Variants in C4orf51 observed in about 807,000 individuals in gnomAD.
C4orf51 encodes uncharacterized protein C4orf51.
C4orf51 carries 25 observed loss-of-function variants against 25.2 expected under a neutral mutation model. The ratio of observed to expected loss-of-function variants is 0.99; its 90% CI spans 0.72 to 1.39. The LOEUF is 1.39. Among genes scored for constraint, C4orf51 ranks in the 40% most tolerant of loss-of-function variants. The pLI is 0.00. For synonymous variants in C4orf51, 100 were observed against 84.5 expected (o/e 1.18, Z -1.01); for missense variants, 252 against 239.6 (o/e 1.05, Z -0.34).
At chr4:145,788,429 T>C in the C4orf51 span, among the ~76,000 whole-genome samples, 3 of 152,198 alleles carry the variant, frequency 2.0e-5, no homozygotes, top group East Asian at 3.8e-4. Flanking sequence ...TCCAGGCCAA[T>C]TGATGGCTGC....
At chr4:145,740,505 G>A (rs1392928182) in intron 1 of C4orf51, among the ~76,000 whole-genome samples, 4 of 152,052 alleles carry the variant, frequency 2.6e-5, no homozygotes, top group Non-Finnish European at 5.9e-5. Context: ...GAAATTCAGT[G>A]CCCAAGGAAA....
At chr4:145,703,368 T>A (rs1005160053) in intron 2 of C4orf51, among the ~76,000 whole-genome samples, 12 of 151,846 alleles carry the variant, frequency 7.9e-5, no homozygotes, top group Non-Finnish European at 1.8e-4. Context: ...CCTACCCAAA[T>A]CCTATAAAAC....
chr4:145,747,503 G>A (rs1363195746), intron 1 of C4orf51, among the ~76,000 whole-genome samples: 2 of 151,674 alleles, frequency 1.3e-5, no homozygotes, highest in African/African-American at 2.4e-5. Context: ...ATATTACATT[G>A]ATTGATTTGC....
At chr4:145,723,448 G>A (rs959409588) in intron 2 of C4orf51, among the ~76,000 whole-genome samples, 1 of 152,194 alleles carries the variant, frequency 6.6e-6, no homozygotes, top group Non-Finnish European at 1.5e-5. Flanking sequence ...AAGGTTGACA[G>A]TTGTACTATG....
chr4:145,689,111 A>C lies in C4orf51; in HGVS notation c.234-7448A>C, dbSNP rs549952988. ...GCAAAGAAAGGCGGTTTTCAATTCC[A>C]AATAAATTAATTCAGATGAATTAAA... On this transcript the variant is annotated intron_variant, in intron 1 of 5. Transcript: ENST00000438731. Among the ~76,000 whole-genome samples the C allele has an allele frequency of 9.8e-5, 15 of 152,330 alleles. No homozygotes were observed. In the East Asian group the frequency reaches 1.7e-3, roughly 18 times the overall value.
intron 5 of C4orf51, among the ~76,000 whole-genome samples, chr4:145,730,932 T>G (rs575405667): frequency 6.0e-4 from 92 of 152,332 alleles, no homozygotes; most frequent in African/African-American, 2.0e-3. Flanking sequence ...ATGGTGCAGT[T>G]TTTCTCAACT....
chr4:145,744,115 A>G (rs1469907458), intron 1 of C4orf51, among the ~76,000 whole-genome samples: 3 of 151,722 alleles, frequency 2.0e-5, no homozygotes, highest in African/African-American at 7.3e-5. Context: ...CCAACACACG[A>G]TTTTCCATAT....
intron 1 of C4orf51, among the ~76,000 whole-genome samples, chr4:145,685,841 C>T (rs1294632039): frequency 6.6e-6 from 1 of 151,770 alleles, no homozygotes; most frequent in Admixed American, 6.6e-5. Flanking sequence ...AAATCAATGA[C>T]AAAAACAAAA....
At chr4:145,723,820 T>G (rs1460630750) in intron 2 of C4orf51, among the ~76,000 whole-genome samples, 1 of 152,168 alleles carries the variant, frequency 6.6e-6, no homozygotes, top group East Asian at 1.9e-4. Context: ...GCTGCCAAGG[T>G]CAAACTTTAT....
downstream of C4orf51, among the ~76,000 whole-genome samples, chr4:145,756,222 T>TA (rs1209060466): frequency 6.6e-6 from 1 of 152,196 alleles, no homozygotes; most frequent in East Asian, 1.9e-4. Context: ...GCAGCTCAGT[T>TA]AAATGGTCAG....
At chr4:145,716,463 C>T (rs1731419903) in intron 2 of C4orf51, among the ~76,000 whole-genome samples, 1 of 152,238 alleles carries the variant, frequency 6.6e-6, no homozygotes, top group Non-Finnish European at 1.5e-5. Flanking sequence ...CTAGCAACAA[C>T]TGCACACTAT....
intron 5 of C4orf51, among the ~76,000 whole-genome samples, chr4:145,732,245 C>T (rs1560855046): frequency 6.6e-6 from 1 of 152,160 alleles, no homozygotes; most frequent in Non-Finnish European, 1.5e-5. Flanking sequence ...TGCCCTTTTT[C>T]TCTCCCACTT....
At chr4:145,774,749 A>G (rs1015185655), downstream of C4orf51, 36 of 1,466,942 alleles carry the variant, frequency 2.5e-5, no homozygotes, top group African/African-American at 4.2e-5. Flanking sequence ...GTCCATTTAT[A>G]CACAGTACAC....
rs774494945 is a variant in C4orf51 at position 145,761,225 on chromosome 4, C to T, written n.167-9763C>T. The T allele has an allele frequency of 1.6e-5, 20 of 1,289,696 alleles. No homozygotes were observed. The highest frequency in any genetic ancestry group is 1.8e-5 in the Non-Finnish European group (18 of 988,880). 79.9% of individuals were successfully genotyped at this position (1,289,696 alleles called of 1,614,324 possible). ...TGCTTCTTGACGTGGCGGCTGAAGA[C>T]GAAAGGGTGTGTGGTCTTGAACAGG... On this transcript the variant is annotated intron_variant and non_coding_transcript_variant, in intron 1 of 1. Transcript: ENST00000510096. The surrounding 1 kb of genome is among the most constrained non-coding windows in gnomAD (Gnocchi z 6.8).
chr4:145,695,327 C>G (rs1409739675), intron 1 of C4orf51, among the ~76,000 whole-genome samples: 1 of 152,218 alleles, frequency 6.6e-6, no homozygotes, highest in East Asian at 1.9e-4. Context: ...TTGCATTTCT[C>G]TAATGATCAG....
intron 1 of C4orf51, among the ~76,000 whole-genome samples, chr4:145,742,296 C>T (rs1340238534): frequency 6.6e-6 from 1 of 152,156 alleles, no homozygotes; most frequent in East Asian, 1.9e-4. Context: ...TTCTCATTCT[C>T]ATGTGTTGAC....
downstream of C4orf51, among the ~76,000 whole-genome samples, chr4:145,736,183 A>T (rs1037321580): frequency 6.6e-6 from 1 of 151,860 alleles, no homozygotes; most frequent in African/African-American, 2.4e-5. Flanking sequence ...AGGCAATTAG[A>T]GTGGGAACAC....
intron 1 of C4orf51, among the ~76,000 whole-genome samples, chr4:145,743,059 T>C (rs1181871760): frequency 2.6e-5 from 4 of 152,140 alleles, no homozygotes; most frequent in Non-Finnish European, 5.9e-5. Flanking sequence ...CCAAGTTTTA[T>C]AGGTTAGGTA....
intron 1 of C4orf51, among the ~76,000 whole-genome samples, chr4:145,688,798 G>A (rs866574490): frequency 6.6e-6 from 1 of 152,130 alleles, no homozygotes. Flanking sequence ...AGTTCCAATA[G>A]GTGTTTTTGT....
Sources: allele counts gnomAD v4.1 joint callset (sites outside exome capture counted in the v4.1 genomes callset), GRCh38; gene constraint gnomAD v4.1.1; non-coding constraint Gnocchi (gnomAD v3.1); transcripts MANE v1.5; gene names NCBI Gene and HGNC (gene_info 2026-07-23, HGNC 2026-07-21).